Variants in GABRA1 observed in about 807,000 individuals in gnomAD.
GABRA1 encodes gamma-aminobutyric acid type A receptor subunit alpha1, also known as gamma-aminobutyric acid receptor subunit alpha-1.
A neutral mutation model predicts 48.9 loss-of-function variants in GABRA1; 9 were observed. That is an observed-to-expected ratio of 0.18 (90% confidence interval 0.11 to 0.32). GABRA1 has a LOEUF of 0.32. GABRA1 is among the 10% of genes least tolerant of loss of function. The pLI is 1.00. For missense variants in GABRA1, 285 were observed against 553.8 expected, an observed-to-expected ratio of 0.51 and a Z score of 4.87; for synonymous variants, 210 against 198.7, an observed-to-expected ratio of 1.06 and a Z score of -0.48.
intron 2 of GABRA1, among the ~76,000 whole-genome samples, chr5:161,851,088 C>G (rs1179702100): frequency 6.6e-6 from 1 of 152,092 alleles, no homozygotes; most frequent in African/African-American, 2.4e-5. Flanking sequence ...AATTAACAAG[C>G]CATTGTTAAG....
Position 161,854,266 on chromosome 5 carries a change from G to A in GABRA1, c.183G>A (p.Leu61=), listed in dbSNP as rs762124345. ...DGYDNRLRPG[L]GERVTEVKTD... ...ATGACAATCGCCTGAGACCAGGATT[G>A]GGAGGTAGGTTGCATTATTGTATTT... The change falls in exon 3 of 10, where the codon TTG becomes TTA. Residue 61 remains leucine, a synonymous_variant. Coordinates refer to ENST00000393943, the MANE Select transcript of GABRA1 (RefSeq NM_001127644.2). 1.3e-6 allele frequency: 2 copies of A among 1,531,502 alleles called. No individual in the cohort carries two copies. The highest frequency in any genetic ancestry group is 2.2e-5 in the South Asian group (2 of 89,376). The allele number at this position is 1,531,502 out of a possible 1,614,324, so 94.9% of individuals were successfully genotyped here. A position where few individuals can be genotyped will look rare whatever the true frequency, so the allele number is the denominator to read the frequency against.
At chr5:161,893,014 AT>A (rs1276408353) in intron 8 of GABRA1, among the ~76,000 whole-genome samples, 14,360 of 88,740 alleles carry the variant, frequency 0.16, 1,668 homozygotes, top group African/African-American at 0.36. Flanking sequence ...CAAAAAAATA[AT>A]AATAATAATA....
At chr5:161,860,663 A>G (rs1425898581) in intron 3 of GABRA1, among the ~76,000 whole-genome samples, 1 of 151,968 alleles carries the variant, frequency 6.6e-6, no homozygotes, top group African/African-American at 2.4e-5. Flanking sequence ...AACATGAAGA[A>G]TAAATGCTTG....
chr5:161,878,283 A>G (rs1754453793), intron 6 of GABRA1, among the ~76,000 whole-genome samples: 1 of 152,152 alleles, frequency 6.6e-6, no homozygotes, highest in South Asian at 2.1e-4. Context: ...TGCTTAGCGG[A>G]AAAGAACACC....
intron 3 of GABRA1, among the ~76,000 whole-genome samples, chr5:161,862,942 G>C (rs10476366): frequency 0.18 from 26,794 of 151,742 alleles, 3,108 homozygotes; most frequent in African/African-American, 0.32. Context: ...TTAAATCTGA[G>C]TATTTAGATG....
intron 6 of GABRA1, among the ~76,000 whole-genome samples, chr5:161,877,506 T>A (rs1581202251): frequency 6.6e-6 from 1 of 152,178 alleles, no homozygotes; most frequent in Non-Finnish European, 1.5e-5. Context: ...CTCCAGTCAA[T>A]GCAATTCTGT....
intron 6 of GABRA1, among the ~76,000 whole-genome samples, chr5:161,875,982 T>G (rs1754333802): frequency 6.6e-6 from 1 of 152,204 alleles, no homozygotes; most frequent in South Asian, 2.1e-4. Flanking sequence ...TCATTGTGTC[T>G]ATTTTATATC....
At chr5:161,854,053 T>C in intron 2 of GABRA1, 105 bp from the exon 3 acceptor site, 1 of 598,826 alleles carries the variant, frequency 1.7e-6, no homozygotes, top group East Asian at 2.7e-5. Context: ...CAAGTTAAGA[T>C]TCAGTAGAAA....
At chr5:161,877,139 T>C (rs927234711) in intron 6 of GABRA1, among the ~76,000 whole-genome samples, 2 of 152,074 alleles carry the variant, frequency 1.3e-5, no homozygotes, top group African/African-American at 4.8e-5. Flanking sequence ...ATAGACAGGG[T>C]CTAGCTATGT....
At chr5:161,858,375 A>T (rs1378446661) in intron 3 of GABRA1, among the ~76,000 whole-genome samples, 1 of 151,706 alleles carries the variant, frequency 6.6e-6, no homozygotes, top group Admixed American at 6.6e-5. Flanking sequence ...GACAAAAATA[A>T]TCCATAAACA....
At chr5:161,850,118 G>A (rs1757377897) in intron 1 of GABRA1, 1 of 129,346 alleles carries the variant, frequency 7.7e-6, no homozygotes. Flanking sequence ...GTTTGTATGT[G>A]AGAGAGATCA....
At chr5:161,850,642 T>C (rs1411116374) in intron 1 of GABRA1, 154 bp from the exon 2 acceptor site, 38 of 670,406 alleles carry the variant, frequency 5.7e-5, no homozygotes, top group Non-Finnish European at 1.9e-5. Context: ...GAATGGATGG[T>C]CCAGGTTTCC....
intron 8 of GABRA1, among the ~76,000 whole-genome samples, 163 bp from the exon 9 acceptor site, chr5:161,895,503 G>A (rs1755320804): frequency 6.6e-6 from 1 of 152,104 alleles, no homozygotes; most frequent in African/African-American, 2.4e-5. Context: ...GACTACACTG[G>A]GGTTAAATTA....
intron 6 of GABRA1, 156 bp from the exon 7 acceptor site, chr5:161,882,401 GT>G: frequency 1.5e-6 from 1 of 677,760 alleles, no homozygotes; most frequent in Non-Finnish European, 2.5e-6. Context: ...CAGAAAACGT[GT>G]TTTAGTTTTT....
chr5:161,857,988 T>TA (rs61313708), intron 3 of GABRA1, among the ~76,000 whole-genome samples: 28,224 of 141,148 alleles, frequency 0.2, 3,155 homozygotes, highest in Middle Eastern at 0.31. Flanking sequence ...AGAAAAAAGT[T>TA]AAAAAAAAAA....
At chr5:161,864,460 A>G (rs1757978206) in intron 3 of GABRA1, among the ~76,000 whole-genome samples, 1 of 152,072 alleles carries the variant, frequency 6.6e-6, no homozygotes, top group South Asian at 2.1e-4. Context: ...ATAAATTTAT[A>G]CTGACAGTCT....
chr5:161,878,489 A>G (rs991147842), intron 6 of GABRA1, among the ~76,000 whole-genome samples: 3 of 152,206 alleles, frequency 2.0e-5, no homozygotes, highest in African/African-American at 4.8e-5. Flanking sequence ...AGAATAGACA[A>G]GAGGAGTTTT....
At chr5:161,862,844 T>C (rs12656605) in intron 3 of GABRA1, among the ~76,000 whole-genome samples, 18,218 of 151,958 alleles carry the variant, frequency 0.12, 1,494 homozygotes, top group East Asian at 0.28. Context: ...CAGGTATTAT[T>C]TCTTCATCCA....
chr5:161,897,029 A>C (rs911149394), intron 9 of GABRA1, 82 bp from the exon 10 acceptor site: 73 of 1,298,520 alleles, frequency 5.6e-5, no homozygotes, highest in Non-Finnish European at 7.7e-5. Flanking sequence ...AGGCTGCAAA[A>C]TAAGGGCCAC....
Sources: allele counts gnomAD v4.1 joint callset (sites outside exome capture counted in the v4.1 genomes callset), GRCh38; gene constraint gnomAD v4.1.1; transcripts MANE v1.5; gene names NCBI Gene and HGNC (gene_info 2026-07-23, HGNC 2026-07-21).